Variants in WDR1 observed in about 807,000 individuals in gnomAD.
WDR1 encodes WD repeat domain 1.
Under a neutral mutation model 71.9 loss-of-function variants are expected in WDR1, and 21 were observed. That is an observed-to-expected ratio of 0.29 (90% confidence interval 0.21 to 0.42). WDR1 has a LOEUF of 0.42. Among genes scored for constraint, WDR1 ranks in the 10% least tolerant of loss-of-function variants. The pLI, the probability that WDR1 is intolerant of heterozygous loss-of-function variation, is 1.00. For missense variants in WDR1, 696 were observed against 824.5 expected (o/e 0.84, Z 1.91); for synonymous variants, 424 against 347.4 (o/e 1.22, Z -2.45).
intron 12 of WDR1, 44 bp from the exon 13 acceptor site, chr4:10,077,970 A>C (rs1481032115): frequency 1.3e-6 from 2 of 1,540,804 alleles, no homozygotes; most frequent in Non-Finnish European, 1.8e-6. Flanking sequence ...CTGAACACAC[A>C]CACCACACCC....
At chr4:10,097,655 C>T in intron 5 of WDR1, 56 bp downstream of exon 5, 1 of 1,555,880 alleles carries the variant, frequency 6.4e-7, no homozygotes, top group Non-Finnish European at 8.7e-7. Context: ...CAGGCTCAGC[C>T]TCTGCTAGCC....
chr4:10,116,043 G>T, intron 2 of WDR1, 70 bp downstream of exon 2: 2 of 1,564,658 alleles, frequency 1.3e-6, no homozygotes, highest in Non-Finnish European at 8.7e-7. Flanking sequence ...GAGAAGTGGA[G>T]AGGAAGGCGA....
chr4:10,075,339 TC>T lies in WDR1; in HGVS notation c.*38del. 1 of 1,579,674 alleles carries T rather than the reference TC, an allele frequency of 6.3e-7. No individual in the cohort carries two copies. ...ATGTTCCGCTGCAGTTAAACTCTAG[TC>T]CCTGATTCGGTCCATCCAGAGGCGG... On this transcript the variant is annotated 3_prime_UTR_variant, in exon 15 of 15. Transcript: ENST00000499869.
chr4:10,099,846 G>A (rs1377725378), intron 3 of WDR1, among the ~76,000 whole-genome samples: 3 of 152,236 alleles, frequency 2.0e-5, no homozygotes, highest in African/African-American at 7.2e-5. Flanking sequence ...GGGTGTTGCG[G>A]GGGAAGGAGA....
At chr4:10,077,103 C>G in intron 14 of WDR1, 1 of 725,476 alleles carries the variant, frequency 1.4e-6, no homozygotes, top group Admixed American at 3.0e-5. Flanking sequence ...GTGCATGGGG[C>G]CCCCGTGGTC....
At chr4:10,081,635 TAA>T (rs1765017000) in intron 10 of WDR1, among the ~76,000 whole-genome samples, 191 bp from the exon 11 acceptor site, 1 of 111,196 alleles carries the variant, frequency 9.0e-6, no homozygotes, top group South Asian at 3.3e-4. Flanking sequence ...AAAGAGATTA[TAA>T]GTCATAATGG....
intron 2 of WDR1, 141 bp downstream of exon 2, chr4:10,115,972 T>C: frequency 8.5e-7 from 1 of 1,173,074 alleles, no homozygotes; most frequent in Non-Finnish European, 1.2e-6. Context: ...GGCTCCGAGG[T>C]GTGGCTCCCG....
At chr4:10,109,063 A>G (rs1713195756) in intron 2 of WDR1, among the ~76,000 whole-genome samples, 1 of 152,252 alleles carries the variant, frequency 6.6e-6, no homozygotes, top group Non-Finnish European at 1.5e-5. Context: ...CCCACCGGCC[A>G]CTTACTATTC....
intron 5 of WDR1, 34 bp downstream of exon 5, chr4:10,097,677 C>G (rs1416602824): frequency 6.3e-7 from 1 of 1,593,154 alleles, no homozygotes; most frequent in Non-Finnish European, 8.6e-7. Flanking sequence ...CATGTACAAA[C>G]CACAAATTTC....
At chr4:10,108,023 G>A (rs1713120381) in intron 2 of WDR1, among the ~76,000 whole-genome samples, 1 of 152,182 alleles carries the variant, frequency 6.6e-6, no homozygotes, top group Non-Finnish European at 1.5e-5. Flanking sequence ...GTCTTTTTCT[G>A]AGAATCCTGT....
chr4:10,098,966 G>A (rs1712522072), intron 4 of WDR1, 26 bp downstream of exon 4: 1 of 1,613,640 alleles, frequency 6.2e-7, no homozygotes, highest in Non-Finnish European at 8.5e-7. Flanking sequence ...CAACAGGGCA[G>A]GGAGGGGCTG....
At chr4:10,097,918 C>T in intron 4 of WDR1, 27 bp from the exon 5 acceptor site, 2 of 1,209,930 alleles carry the variant, frequency 1.7e-6, no homozygotes, top group Non-Finnish European at 2.1e-6. Flanking sequence ...AGGTGGAAGA[C>T]AAAAAAAAAA....
At chr4:10,116,498 C>T (rs1411909340) in intron 1 of WDR1, 153 bp downstream of exon 1, 1 of 651,984 alleles carries the variant, frequency 1.5e-6, no homozygotes, top group Non-Finnish European at 2.0e-6. Context: ...CCGCCCTGCA[C>T]CACCGAGGGC....
intron 3 of WDR1, among the ~76,000 whole-genome samples, chr4:10,103,354 T>C (rs1412812940): frequency 2.6e-5 from 4 of 151,682 alleles, no homozygotes; most frequent in Non-Finnish European, 4.4e-5. Flanking sequence ...TACCATGCCA[T>C]GGCTTCCCGC....
chr4:10,082,049 C>T (rs1286558436), intron 10 of WDR1, among the ~76,000 whole-genome samples: 7 of 152,186 alleles, frequency 4.6e-5, no homozygotes, highest in Non-Finnish European at 7.3e-5. Flanking sequence ...TCTGTAAGGG[C>T]CTTGCCTTGG....
At chr4:10,116,407 G>A (rs1443231806) in intron 1 of WDR1, 173 bp from the exon 2 acceptor site, 3 of 1,053,224 alleles carry the variant, frequency 2.8e-6, no homozygotes, top group South Asian at 1.7e-5. Flanking sequence ...TCCGCGCCCC[G>A]GGCCAGGCCC....
At chr4:10,099,844 C>T (rs182447421) in intron 3 of WDR1, among the ~76,000 whole-genome samples, 178 of 152,324 alleles carry the variant, frequency 1.2e-3, no homozygotes, top group African/African-American at 4.0e-3. Context: ...GTGGGTGTTG[C>T]GGGGGAAGGA....
At chr4:10,078,810 C>T (rs139970287) in intron 12 of WDR1, 81 bp downstream of exon 12, 14 of 1,236,358 alleles carry the variant, frequency 1.1e-5, no homozygotes, top group African/African-American at 6.1e-5. Context: ...GAGACAGCCC[C>T]GGTACTCACA....
At chr4:10,077,570 G>A (rs71603984) in intron 13 of WDR1, 122 bp from the exon 14 acceptor site, 1 of 1,516,034 alleles carries the variant, frequency 6.6e-7, no homozygotes, top group Admixed American at 1.8e-5. Context: ...CTAACTCTAT[G>A]CCAGCGACCC....
Sources: gnomAD v4.1 joint callset for allele counts (sites outside exome capture counted in the v4.1 genomes callset) on GRCh38, gnomAD v4.1.1 for gene constraint, MANE v1.5 for transcripts, NCBI Gene and HGNC (gene_info 2026-07-23, HGNC 2026-07-21) for gene names.